Variants in P2RY12 observed in about 807,000 individuals in gnomAD.
The protein encoded by P2RY12 is purinergic receptor P2Y12.
P2RY12 carries 3 observed loss-of-function variants against 4.5 expected under a neutral mutation model. The observed-to-expected ratio is 0.67, with a 90% CI of 0.31 to 1.74. The LOEUF is 1.74. P2RY12 is among the 40% of genes most tolerant of loss of function. The probability of loss-of-function intolerance (pLI) is 0.09; values close to 1 mark genes in which losing one functional copy is unlikely to be tolerated. For synonymous variants in P2RY12, 148 were observed against 154.1 expected (o/e 0.96, Z 0.29); for missense variants, 356 against 407.8 (o/e 0.87, Z 1.09).
At chr3:151,384,182 C>T in intron 1 of P2RY12, 1 of 1,613,574 alleles carries the variant, frequency 6.2e-7, no homozygotes, top group Non-Finnish European at 8.5e-7. Flanking sequence ...CTGAAGAGAA[C>T]AAGCGTGCAT....
At chr3:151,349,767 A>G (rs1752989479) in intron 1 of P2RY12, among the ~76,000 whole-genome samples, 1 of 152,218 alleles carries the variant, frequency 6.6e-6, no homozygotes, top group Non-Finnish European at 1.5e-5. Context: ...ATTTTAAACA[A>G]TGAAAAGTTT....
intron 1 of P2RY12, among the ~76,000 whole-genome samples, chr3:151,364,148 T>C (rs1030376127): frequency 1.3e-5 from 2 of 152,202 alleles, no homozygotes; most frequent in Non-Finnish European, 2.9e-5. Flanking sequence ...CTACAGAAGG[T>C]AAGCACAAAT....
chr3:151,355,851 A>G, intron 1 of P2RY12: 1 of 1,513,612 alleles, frequency 6.6e-7, no homozygotes. Context: ...GTAAAAGATT[A>G]TTTAGAATAT....
chr3:151,342,076 C>T (rs1383025703), intron 1 of P2RY12, among the ~76,000 whole-genome samples: 1 of 152,154 alleles, frequency 6.6e-6, no homozygotes, highest in Non-Finnish European at 1.5e-5. Context: ...GACTTATAAT[C>T]CTTTGGGTAT....
intron 1 of P2RY12, among the ~76,000 whole-genome samples, chr3:151,351,422 G>A (rs529497219): frequency 6.6e-6 from 1 of 152,254 alleles, no homozygotes; most frequent in East Asian, 1.9e-4. Flanking sequence ...CCCAGTTAAG[G>A]GCTTTGAAAT....
At chr3:151,373,193 A>G (rs1410427204) in intron 1 of P2RY12, among the ~76,000 whole-genome samples, 1 of 152,058 alleles carries the variant, frequency 6.6e-6, no homozygotes, top group Non-Finnish European at 1.5e-5. Flanking sequence ...TAATTGTCCC[A>G]GTATTGTTGG....
At chr3:151,340,240 A>C (rs1030315154) in intron 2 of P2RY12, among the ~76,000 whole-genome samples, 25 of 152,174 alleles carry the variant, frequency 1.6e-4, no homozygotes, top group African/African-American at 5.8e-4. Context: ...AATTCGACTT[A>C]GTGAATATAC....
chr3:151,350,386 C>T (rs1433118621), intron 1 of P2RY12, among the ~76,000 whole-genome samples: 1 of 151,742 alleles, frequency 6.6e-6, no homozygotes, highest in South Asian at 2.1e-4. Context: ...TTTATAGCAA[C>T]CCTTGTATTA....
intron 1 of P2RY12, among the ~76,000 whole-genome samples, chr3:151,361,609 A>T (rs928275132): frequency 6.6e-6 from 1 of 152,126 alleles, no homozygotes; most frequent in Non-Finnish European, 1.5e-5. Context: ...TTGTATTTTT[A>T]TAAATATTTT....
intron 1 of P2RY12, chr3:151,364,857 A>G: frequency 1.4e-6 from 1 of 693,294 alleles, no homozygotes; most frequent in East Asian, 2.6e-5. Context: ...AAGAACTCAT[A>G]ATGTGAATCT....
At chr3:151,366,390 A>G (rs561280244) in intron 1 of P2RY12, among the ~76,000 whole-genome samples, 4 of 152,306 alleles carry the variant, frequency 2.6e-5, no homozygotes, top group Non-Finnish European at 5.9e-5. Context: ...GATATTTTTA[A>G]GTGCAAGGCG....
At chr3:151,365,076 G>C (rs147847530) in intron 1 of P2RY12, 1 of 1,613,854 alleles carries the variant, frequency 6.2e-7, no homozygotes, top group Non-Finnish European at 8.5e-7. Context: ...GGATTTTATT[G>C]AGAATCCCTC....
chr3:151,378,414 A>G (rs1229540028), intron 1 of P2RY12, among the ~76,000 whole-genome samples: 3 of 152,236 alleles, frequency 2.0e-5, no homozygotes, highest in South Asian at 2.1e-4. Context: ...TGTTAAAAAC[A>G]GTGATTTCCG....
At chr3:151,368,121 A>C (rs780664294) in intron 1 of P2RY12, 2 of 1,579,278 alleles carry the variant, frequency 1.3e-6, no homozygotes, top group Non-Finnish European at 1.7e-6. Flanking sequence ...TGTGTTAGAA[A>C]ACTTGCTTTT....
intron 1 of P2RY12, among the ~76,000 whole-genome samples, chr3:151,373,452 C>G (rs62285879): frequency 1.3e-5 from 2 of 151,928 alleles, no homozygotes; most frequent in Non-Finnish European, 1.5e-5. Context: ...GGAGATACTT[C>G]GAGACAGTGC....
At chr3:151,383,081 C>A (rs576278453) in intron 1 of P2RY12, among the ~76,000 whole-genome samples, 1 of 152,204 alleles carries the variant, frequency 6.6e-6, no homozygotes, top group African/African-American at 2.4e-5. Flanking sequence ...TTACTTAAAA[C>A]CATTTAAAAA....
intron 1 of P2RY12, among the ~76,000 whole-genome samples, chr3:151,381,039 C>T (rs530245210): frequency 5.3e-4 from 80 of 152,244 alleles, no homozygotes; most frequent in Non-Finnish European, 1.0e-3. Context: ...AAACACAGTT[C>T]TCCTGGTCAC....
At chr3:151,376,347 G>A in intron 1 of P2RY12, 2 of 711,962 alleles carry the variant, frequency 2.8e-6, no homozygotes, top group Non-Finnish European at 4.2e-6. Flanking sequence ...CACATTTTCT[G>A]TGGAATTGAC....
intron 1 of P2RY12, among the ~76,000 whole-genome samples, chr3:151,360,997 A>G (rs1226358982): frequency 6.6e-6 from 1 of 152,152 alleles, no homozygotes; most frequent in Non-Finnish European, 1.5e-5. Flanking sequence ...TTAAAATTCA[A>G]TTTGGATTAT....
Sources: allele counts gnomAD v4.1 joint callset (sites outside exome capture counted in the v4.1 genomes callset), GRCh38; gene constraint gnomAD v4.1.1; transcripts MANE v1.5; gene names NCBI Gene and HGNC (gene_info 2026-07-23, HGNC 2026-07-21).